Variants in PRKN observed in about 807,000 individuals in gnomAD.
PRKN encodes E3 ubiquitin-protein ligase parkin.
PRKN carries 56 observed loss-of-function variants against 59.5 expected under a neutral mutation model. That is an observed-to-expected ratio of 0.94 (90% confidence interval 0.76 to 1.18). The LOEUF is 1.18. Ranked by LOEUF, PRKN falls within the 50% of genes most tolerant of loss-of-function variation. The probability of loss-of-function intolerance (pLI) is 0.00; values close to 1 mark genes in which losing one functional copy is unlikely to be tolerated. For missense variants in PRKN, 657 were observed against 596.4 expected (o/e 1.10, Z -1.06); for synonymous variants, 250 against 222.1 (o/e 1.13, Z -1.12).
rs904649849 is a variant in PRKN, at chr6:161,442,300, G to A, written c.1084-55423C>T. Among the ~76,000 whole-genome samples, 2 of 152,144 alleles carry A rather than the reference G, an allele frequency of 1.3e-5. No individual in the cohort carries two copies. Among genetic ancestry groups the A allele is most frequent in the African/African-American group, 4.8e-5 (2 of 41,424 alleles). On this transcript the variant is annotated intron_variant, in intron 9 of 11. Transcript: ENST00000366898. This position sits in a 1 kb window ranked among gnomAD's most constrained non-coding sequence, Gnocchi z 4.6. ...ATTGAAGGGGCTTTCCACCTCCTAC[G>A]ATAAGTAAAAACATAAAATGATTAG...
intron 9 of PRKN, among the ~76,000 whole-genome samples, chr6:161,507,492 C>T (rs12190800): frequency 0.19 from 28,865 of 151,972 alleles, 3,367 homozygotes; most frequent in African/African-American, 0.32. Context: ...GGTGGGGAAC[C>T]GCCAATTATA....
At chr6:161,640,707 A>AACT (rs1783707724) in intron 7 of PRKN, among the ~76,000 whole-genome samples, 1 of 152,184 alleles carries the variant, frequency 6.6e-6, no homozygotes, top group Admixed American at 6.5e-5. Context: ...CACCAAGTGA[A>AACT]GGGAAACTAT....
chr6:162,155,636 G>T (rs988395656), intron 4 of PRKN, among the ~76,000 whole-genome samples: 3 of 152,092 alleles, frequency 2.0e-5, no homozygotes, highest in African/African-American at 7.2e-5. Context: ...AAGCGGAAAA[G>T]AACAGAACAG....
chr6:162,640,977 T>C (rs1583963717), intron 1 of PRKN, among the ~76,000 whole-genome samples: 1 of 152,114 alleles, frequency 6.6e-6, no homozygotes, highest in African/African-American at 2.4e-5. Context: ...CAAGAGTAAA[T>C]TTCTTTTTTG....
intron 1 of PRKN, among the ~76,000 whole-genome samples, chr6:162,493,558 T>A (rs1562328723): frequency 6.6e-6 from 1 of 152,126 alleles, no homozygotes. Flanking sequence ...ACTACATATT[T>A]CAAAGAGAAG....
chr6:161,994,379 G>C (rs1781762729), intron 5 of PRKN, among the ~76,000 whole-genome samples: 1 of 152,024 alleles, frequency 6.6e-6, no homozygotes, highest in Non-Finnish European at 1.5e-5. Flanking sequence ...ACCTAATGGG[G>C]AAAAGGTGAA....
rs1043817529 is a variant in PRKN at position 162,186,359 on chromosome 6, A to G, written c.534+14772T>C. Among the ~76,000 whole-genome samples the G allele has an allele frequency of 2.0e-5, 3 of 152,132 alleles. No individual in the cohort carries two copies. In the South Asian group the frequency reaches 6.2e-4, roughly 32 times the overall value. ...AGGCTCAAAGCCAAATCAAGCAGAA[A>G]GTACATCCTTTTCTTCCAAACATGG... On this transcript the variant is annotated intron_variant, in intron 4 of 11. Coordinates refer to ENST00000366898, the MANE Select transcript of PRKN (RefSeq NM_004562.3).
At chr6:162,132,938 G>A (rs543296086) in intron 4 of PRKN, among the ~76,000 whole-genome samples, 2 of 152,304 alleles carry the variant, frequency 1.3e-5, no homozygotes, top group South Asian at 4.1e-4. Context: ...GCTCAGTAAC[G>A]ATACTGAGTG....
chr6:161,966,995 C>A (rs1354749859), intron 6 of PRKN, among the ~76,000 whole-genome samples: 2 of 152,144 alleles, frequency 1.3e-5, no homozygotes, highest in African/African-American at 4.8e-5. Flanking sequence ...CCACTCCCAG[C>A]TAATTTTTGT....
At chr6:161,452,077 T>C (rs1194372486) in intron 9 of PRKN, among the ~76,000 whole-genome samples, 2 of 151,738 alleles carry the variant, frequency 1.3e-5, no homozygotes, top group Non-Finnish European at 2.9e-5. Flanking sequence ...TTCCTCAGCC[T>C]CCTGAGTAGC....
chr6:162,010,756 ATATATAATATAT>A (rs1176663906), intron 5 of PRKN, among the ~76,000 whole-genome samples: 78 of 4,040 alleles, frequency 0.019, 16 homozygotes, highest in Admixed American at 0.032. Context: ...ATAATATACA[ATATATAATATAT>A]TATATAATAT....
chr6:162,353,144 C>T (rs932127197), intron 2 of PRKN, among the ~76,000 whole-genome samples: 2 of 152,112 alleles, frequency 1.3e-5, no homozygotes, highest in East Asian at 1.9e-4. Context: ...TGCTCTCAAC[C>T]TCATCGTGTG....
intron 6 of PRKN, among the ~76,000 whole-genome samples, chr6:161,955,973 TG>T (rs1478178381): frequency 1.3e-5 from 2 of 152,220 alleles, no homozygotes. Context: ...ACCATGGCTG[TG>T]GTAAGTTTGG....
At position 161,359,616 on chromosome 6, in the gene PRKN, CA is replaced by C. The variant is rs1359027572; in HGVS notation, c.1285+471del. Reference sequence around the variant, plus strand: ...GTCCCCCACTGGTACTGTGAGTCATCAGGGGCAGGCCACAGGGATCTTTAAA... The same window carrying C: ...GTCCCCCACTGGTACTGTGAGTCATCGGGGCAGGCCACAGGGATCTTTAAA... On this transcript the variant is annotated intron_variant, in intron 11 of 11. Transcript: ENST00000366898. The surrounding 1 kb of genome is among the most constrained non-coding windows in gnomAD (Gnocchi z 5.4). Among the ~76,000 whole-genome samples the C allele has an allele frequency of 1.3e-5, 2 of 152,330 alleles. No homozygotes were observed. Among genetic ancestry groups the C allele is most frequent in the East Asian group, 3.9e-4 (2 of 5,182 alleles).
At chr6:162,234,859 A>C (rs898411642) in intron 3 of PRKN, among the ~76,000 whole-genome samples, 2 of 152,192 alleles carry the variant, frequency 1.3e-5, no homozygotes, top group Non-Finnish European at 2.9e-5. Context: ...TGTGGACTTC[A>C]GCACATCGGC....
At chr6:162,160,377 G>A (rs1287174282) in intron 4 of PRKN, among the ~76,000 whole-genome samples, 1 of 152,118 alleles carries the variant, frequency 6.6e-6, no homozygotes, top group Non-Finnish European at 1.5e-5. Flanking sequence ...ATAAAACCAA[G>A]CTGTGTTTGC....
At chr6:162,496,420 G>A (rs1370141995) in intron 1 of PRKN, among the ~76,000 whole-genome samples, 2 of 152,136 alleles carry the variant, frequency 1.3e-5, no homozygotes, top group Admixed American at 1.3e-4. Flanking sequence ...TGGATATACA[G>A]CTAACTCTTT....
intron 9 of PRKN, among the ~76,000 whole-genome samples, chr6:161,494,107 C>T (rs1369288993): frequency 6.6e-6 from 1 of 152,178 alleles, no homozygotes; most frequent in African/African-American, 2.4e-5. Context: ...ACAGCCTATA[C>T]TTAGTTTTAT....
intron 6 of PRKN, among the ~76,000 whole-genome samples, chr6:161,951,103 A>G (rs559033289): frequency 6.6e-6 from 1 of 151,808 alleles, no homozygotes; most frequent in East Asian, 1.9e-4. Flanking sequence ...ATTTGTTCAT[A>G]AGAATTCATG....
Sources: allele counts gnomAD v4.1 joint callset (sites outside exome capture counted in the v4.1 genomes callset), GRCh38; gene constraint gnomAD v4.1.1; non-coding constraint Gnocchi (gnomAD v3.1); transcripts MANE v1.5; gene names NCBI Gene and HGNC (gene_info 2026-07-23, HGNC 2026-07-21).